The following SUSD1 variants were observed in gnomAD, a reference collection of about 807,000 sequenced individuals.
The protein encoded by SUSD1 is sushi domain-containing protein 1.
Under a neutral mutation model 86.9 loss-of-function variants are expected in SUSD1, and 65 were observed. The ratio of observed to expected loss-of-function variants is 0.75; its 90% CI spans 0.61 to 0.92. The LOEUF (loss-of-function observed/expected upper bound fraction) is 0.92, where lower values mean the gene tolerates loss of function less well. Ranked by LOEUF, SUSD1 falls within the 40% of genes least tolerant of loss-of-function variation. The pLI, the probability that SUSD1 is intolerant of heterozygous loss-of-function variation, is 0.00. For synonymous variants in SUSD1, 346 were observed against 350.0 expected, an observed-to-expected ratio of 0.99 and a Z score of 0.13; for missense variants, 850 against 929.7, an observed-to-expected ratio of 0.91 and a Z score of 1.11.
chr9:112,122,183 T>C (rs1231663348), intron 6 of SUSD1, among the ~76,000 whole-genome samples: 3 of 152,200 alleles, frequency 2.0e-5, no homozygotes, highest in African/African-American at 7.2e-5. Context: ...CCTTTTTTAA[T>C]TGAGACAGAG....
At chr9:112,076,097 A>T (rs1032174701) in intron 12 of SUSD1, among the ~76,000 whole-genome samples, 10 of 152,318 alleles carry the variant, frequency 6.6e-5, no homozygotes, top group Middle Eastern at 3.4e-3. Context: ...CTTTAATGGA[A>T]ACTCACTGGA....
chr9:112,120,533 T>C (rs1216741860), intron 6 of SUSD1, among the ~76,000 whole-genome samples: 1 of 152,156 alleles, frequency 6.6e-6, no homozygotes, highest in Non-Finnish European at 1.5e-5. Context: ...TCTGCGGAAA[T>C]TGAATTTAGC....
intron 1 of SUSD1, among the ~76,000 whole-genome samples, chr9:112,171,581 C>T (rs916646761): frequency 6.6e-6 from 1 of 152,128 alleles, no homozygotes; most frequent in Non-Finnish European, 1.5e-5. Flanking sequence ...TGAGGACACC[C>T]AGGCTTGCTT....
At chr9:112,152,140 T>G (rs1316921643) in intron 2 of SUSD1, among the ~76,000 whole-genome samples, 1 of 150,768 alleles carries the variant, frequency 6.6e-6, no homozygotes, top group Non-Finnish European at 1.5e-5. Context: ...GAGGCGGAGG[T>G]TGCAGTGAGC....
intron 2 of SUSD1, among the ~76,000 whole-genome samples, chr9:112,150,625 C>G (rs1833005721): frequency 6.6e-6 from 1 of 152,134 alleles, no homozygotes; most frequent in African/African-American, 2.4e-5. Context: ...TTTACACAAA[C>G]CTAAATGGCA....
intron 10 of SUSD1, among the ~76,000 whole-genome samples, chr9:112,090,584 C>T (rs1564285729): frequency 6.6e-6 from 1 of 152,060 alleles, no homozygotes; most frequent in South Asian, 2.1e-4. Context: ...TATAGACCAA[C>T]ATTACTTATA....
chr9:112,069,726 TA>T (rs1829173944), intron 12 of SUSD1, among the ~76,000 whole-genome samples: 1 of 106,688 alleles, frequency 9.4e-6, no homozygotes, highest in Non-Finnish European at 1.7e-5. Context: ...CCAAGAGTAA[TA>T]ATTCTAGTTC....
chr9:112,114,927 C>CA (rs1388142039), intron 6 of SUSD1, among the ~76,000 whole-genome samples: 2 of 152,218 alleles, frequency 1.3e-5, no homozygotes, highest in African/African-American at 4.8e-5. Context: ...GAGACCAGTA[C>CA]AATCAGGCAT....
chr9:112,156,052 A>AAG, intron 2 of SUSD1, among the ~76,000 whole-genome samples: 1 of 151,622 alleles, frequency 6.6e-6, no homozygotes, highest in East Asian at 1.9e-4. Context: ...AAGAAAGAAA[A>AAG]ACACTAGCTT....
chr9:112,125,667 C>A (rs1831744772), intron 5 of SUSD1, among the ~76,000 whole-genome samples: 1 of 152,348 alleles, frequency 6.6e-6, no homozygotes, highest in East Asian at 1.9e-4. Flanking sequence ...GCCCTCCTAA[C>A]ATCCAGGCTT....
intron 5 of SUSD1, among the ~76,000 whole-genome samples, chr9:112,133,906 AG>A (rs1320975679): frequency 5.9e-5 from 9 of 152,224 alleles, no homozygotes; most frequent in African/African-American, 2.2e-4. Flanking sequence ...AGTGGGCAAA[AG>A]ACATGAACAG....
intron 5 of SUSD1, among the ~76,000 whole-genome samples, chr9:112,138,237 G>GTATATATATATATATA (rs375674193): frequency 2.2e-3 from 9 of 4,140 alleles, no homozygotes; most frequent in Non-Finnish European, 2.9e-3. Context: ...AAAAAAATGT[G>GTATATATATATATATA]TATATATATA....
intron 10 of SUSD1, among the ~76,000 whole-genome samples, chr9:112,082,519 C>T (rs718834): frequency 2.6e-5 from 4 of 151,810 alleles, no homozygotes; most frequent in Non-Finnish European, 2.9e-5. Flanking sequence ...TTAAATATGG[C>T]GGATGGAGCC....
intron 10 of SUSD1, among the ~76,000 whole-genome samples, chr9:112,080,951 G>T (rs1376810749): frequency 6.6e-6 from 1 of 152,166 alleles, no homozygotes; most frequent in Non-Finnish European, 1.5e-5. Context: ...GGATTCTCTT[G>T]GTTTGGGCTT....
At chr9:112,156,891 C>T (rs1833352861) in intron 2 of SUSD1, among the ~76,000 whole-genome samples, 4 of 152,220 alleles carry the variant, frequency 2.6e-5, no homozygotes, top group Middle Eastern at 6.8e-3. Flanking sequence ...TGAAAGTCTC[C>T]CTCTCTCTGA....
chr9:112,138,452 CAATA>C (rs1236082610), intron 5 of SUSD1, among the ~76,000 whole-genome samples: 2 of 149,026 alleles, frequency 1.3e-5, no homozygotes, highest in East Asian at 3.9e-4. Context: ...TTATCTATGT[CAATA>C]AATATTCTTT....
chr9:112,042,141 A>T, intron 15 of SUSD1, 181 bp from the exon 16 acceptor site: 1 of 1,538,864 alleles, frequency 6.5e-7, no homozygotes, highest in South Asian at 1.2e-5. Flanking sequence ...ATGCAGCCTC[A>T]GGAAATTACA....
chr9:112,124,921 G>A (rs537088637), intron 5 of SUSD1, among the ~76,000 whole-genome samples: 98 of 152,220 alleles, frequency 6.4e-4, no homozygotes, highest in Non-Finnish European at 1.2e-3. Flanking sequence ...TGCATAGGAG[G>A]AGACAAACCC....
At chr9:112,111,530 A>G in intron 8 of SUSD1, 124 bp downstream of exon 8, 1 of 1,269,864 alleles carries the variant, frequency 7.9e-7, no homozygotes, top group Non-Finnish European at 1.1e-6. Flanking sequence ...TGGAGCAACT[A>G]CATCTGAGTA....
Sources: allele counts gnomAD v4.1 joint callset (sites outside exome capture counted in the v4.1 genomes callset), GRCh38; gene constraint gnomAD v4.1.1; transcripts MANE v1.5; gene names NCBI Gene and HGNC (gene_info 2026-07-23, HGNC 2026-07-21).